ARHGAP32: variants seen among roughly 807,000 people sequenced by gnomAD.
ARHGAP32 encodes the protein Rho GTPase activating protein 32, also known as rho GTPase-activating protein 32.
Under a neutral mutation model 186.5 loss-of-function variants are expected in ARHGAP32, and 51 were observed. The ratio of observed to expected loss-of-function variants is 0.27; its 90% CI spans 0.22 to 0.35. ARHGAP32 has a LOEUF of 0.35. ARHGAP32 is among the 10% of genes least tolerant of loss of function. The pLI is 1.00. For synonymous variants in ARHGAP32, 950 were observed against 964.3 expected (o/e 0.99, Z 0.27); for missense variants, 2,186 against 2,623.5 (o/e 0.83, Z 3.64).
intron 5 of ARHGAP32, among the ~76,000 whole-genome samples, chr11:129,106,572 T>C (rs548346479): frequency 1.3e-5 from 2 of 152,074 alleles, no homozygotes; most frequent in South Asian, 4.2e-4. Context: ...CTTTTGGGTG[T>C]TATTCTCAGT....
intron 13 of ARHGAP32, 67 bp from the exon 14 acceptor site, chr11:128,986,735 A>T: frequency 2.0e-6 from 3 of 1,501,004 alleles, no homozygotes; most frequent in East Asian, 4.6e-5. Flanking sequence ...TCTTAAAAAC[A>T]GAAAGCATAA....
chr11:129,095,844 G>C (rs1941713608), intron 5 of ARHGAP32, among the ~76,000 whole-genome samples: 1 of 152,216 alleles, frequency 6.6e-6, no homozygotes, highest in South Asian at 2.1e-4. Context: ...CCTCAGTTCA[G>C]AAGATCTGGG....
chr11:129,166,761 G>A (rs1319069983), intron 1 of ARHGAP32, among the ~76,000 whole-genome samples: 1 of 150,326 alleles, frequency 6.7e-6, no homozygotes, highest in Non-Finnish European at 1.5e-5. Context: ...ATTCCTAATT[G>A]AAGAAAACTG....
intron 2 of ARHGAP32, among the ~76,000 whole-genome samples, chr11:129,135,782 A>G (rs1177619254): frequency 6.6e-6 from 1 of 152,088 alleles, no homozygotes; most frequent in African/African-American, 2.4e-5. Context: ...AAAACAAACA[A>G]AAAAAGAATG....
Position 129,066,873 on chromosome 11 carries a change from T to G in ARHGAP32, c.532-5A>C. On this transcript the variant is annotated splice_polypyrimidine_tract_variant and splice_region_variant and intron_variant, in intron 6 of 22. Transcript: ENST00000682385. Reference sequence around the variant, plus strand: ...TTTAACAATCCAACTTTTTCCCTATTGGTAGAAAAAAGAAACTCATATAAT... The same window carrying G: ...TTTAACAATCCAACTTTTTCCCTATGGGTAGAAAAAAGAAACTCATATAAT... The G allele has an allele frequency of 1.3e-6, 2 of 1,594,704 alleles. No homozygotes were observed. Among genetic ancestry groups the G allele is most frequent in the Non-Finnish European group, 8.6e-7 (1 of 1,169,010 alleles).
chr11:129,157,514 A>C (rs951692365), intron 2 of ARHGAP32, among the ~76,000 whole-genome samples: 1 of 152,132 alleles, frequency 6.6e-6, no homozygotes, highest in Non-Finnish European at 1.5e-5. Context: ...ATAAAGCGTG[A>C]AGACAAGATT....
chr11:129,276,026 C>G (rs1051578937), intron 1 of ARHGAP32, among the ~76,000 whole-genome samples: 4 of 152,234 alleles, frequency 2.6e-5, no homozygotes, highest in African/African-American at 9.7e-5. Flanking sequence ...CCAGTAGTCC[C>G]AGCTGCTCAG....
chr11:129,262,179 C>A (rs554838857), intron 1 of ARHGAP32, among the ~76,000 whole-genome samples: 2 of 151,710 alleles, frequency 1.3e-5, no homozygotes, highest in Non-Finnish European at 2.9e-5. Context: ...TTTCCTCATG[C>A]GCCAAAAAAA....
At position 128,971,031 on chromosome 11, in the gene ARHGAP32, T is replaced by C. The variant is rs755481318; in HGVS notation, c.4182A>G (p.Pro1394=). 4 of 1,614,050 alleles carry C rather than the reference T, an allele frequency of 2.5e-6. No individual in the cohort carries two copies. The highest frequency in any genetic ancestry group is 2.2e-5 in the South Asian group (2 of 91,088). The change falls in exon 23 of 23, where the codon CCA becomes CCG. Residue 1394 remains proline (P), a synonymous_variant. Coordinates refer to ENST00000682385, the MANE Select transcript of ARHGAP32 (RefSeq NM_001378024.1). ...AQCPMATAVQ[P]GLPEKVRDGA... ...CGTCCCGCACTTTCTCAGGCAGGCCTGGCTGGACAGCTGTAGCCATGGGAC... is the reference window on the plus strand; with the variant it reads ...CGTCCCGCACTTTCTCAGGCAGGCCCGGCTGGACAGCTGTAGCCATGGGAC...
chr11:128,979,311 A>T (rs538618025), intron 18 of ARHGAP32, among the ~76,000 whole-genome samples: 1 of 152,306 alleles, frequency 6.6e-6, no homozygotes, highest in South Asian at 2.1e-4. Context: ...GAAGACAAGG[A>T]TTAAGAATAA....
intron 6 of ARHGAP32, among the ~76,000 whole-genome samples, chr11:129,076,646 A>G (rs1041669900): frequency 6.6e-6 from 1 of 152,224 alleles, no homozygotes; most frequent in African/African-American, 2.4e-5. Flanking sequence ...CAAAAATACA[A>G]CTTACCCAAA....
At chr11:129,064,698 G>T in intron 8 of ARHGAP32, 143 bp downstream of exon 8, 2 of 595,186 alleles carry the variant, frequency 3.4e-6, no homozygotes, top group East Asian at 3.0e-5. Context: ...CGTGTATCAC[G>T]TATCTATCCT....
At position 128,974,148 on chromosome 11, in the gene ARHGAP32, C is replaced by G. The variant is rs1296069341; in HGVS notation, c.3049G>C (p.Val1017Leu). 6.2e-7 allele frequency: 1 copy of G among 1,614,086 alleles called. No homozygotes were observed. The highest frequency in any genetic ancestry group is 1.3e-5 in the African/African-American group (1 of 74,936). The change falls in exon 21 of 23, where the codon GTA becomes CTA. Residue 1017 changes from valine (V) to leucine (L), a missense_variant. Physicochemically the swap from Val to Leu is conservative, Grantham distance 32. Transcript: ENST00000682385. Reference protein sequence around the residue: ...QSVSSSQSKAVASGQTQTGAV... With the variant: ...QSVSSSQSKALASGQTQTGAV... ...CCTGTCTGAGTCTGTCCAGAAGCTACAGCCTTACTCTGACTGCTTGAGACA... is the reference window on the plus strand; with the variant it reads ...CCTGTCTGAGTCTGTCCAGAAGCTAGAGCCTTACTCTGACTGCTTGAGACA...
chr11:129,114,966 C>T (rs1022082904), intron 5 of ARHGAP32, among the ~76,000 whole-genome samples: 12 of 152,092 alleles, frequency 7.9e-5, no homozygotes, highest in Non-Finnish European at 1.5e-4. Context: ...ATACCACCCA[C>T]CCACAGAAGA....
chr11:129,156,931 C>T (rs766985489), intron 2 of ARHGAP32, among the ~76,000 whole-genome samples: 2 of 152,158 alleles, frequency 1.3e-5, no homozygotes, highest in Non-Finnish European at 2.9e-5. Context: ...GATACCCAGG[C>T]AAACAGGGTC....
intron 2 of ARHGAP32, among the ~76,000 whole-genome samples, chr11:129,147,983 C>G (rs1943203843): frequency 6.6e-6 from 1 of 152,120 alleles, no homozygotes; most frequent in Admixed American, 6.5e-5. Context: ...CAGATAGGAA[C>G]AGCATACTAT....
intron 6 of ARHGAP32, among the ~76,000 whole-genome samples, chr11:129,089,786 A>G (rs1215619333): frequency 6.6e-6 from 1 of 152,242 alleles, no homozygotes; most frequent in African/African-American, 2.4e-5. Context: ...AGCCCAAACA[A>G]GAGATCATGC....
At chr11:129,170,318 G>A (rs945678153) in intron 1 of ARHGAP32, among the ~76,000 whole-genome samples, 5 of 148,528 alleles carry the variant, frequency 3.4e-5, no homozygotes, top group Admixed American at 2.0e-4. Flanking sequence ...TCTACTTTCC[G>A]TCCCCTCCCC....
At chr11:129,047,206 T>G (rs574236950) in intron 10 of ARHGAP32, among the ~76,000 whole-genome samples, 3 of 152,354 alleles carry the variant, frequency 2.0e-5, no homozygotes, top group East Asian at 1.9e-4. Context: ...ACTGTTGGCG[T>G]AGCCAAACAT....
Sources: gnomAD v4.1 joint callset for allele counts (sites outside exome capture counted in the v4.1 genomes callset) on GRCh38, gnomAD v4.1.1 for gene constraint, MANE v1.5 for transcripts, NCBI Gene and HGNC (gene_info 2026-07-23, HGNC 2026-07-21) for gene names.